Variants in CDK4 observed in about 807,000 individuals in gnomAD.
CDK4 encodes the protein cyclin-dependent kinase 4.
In CDK4, 13 loss-of-function variants were observed where a neutral mutation model predicts 36.7. That is an observed-to-expected ratio of 0.35 (90% CI 0.23 to 0.56). CDK4 has a LOEUF of 0.56. CDK4 is among the 20% of genes least tolerant of loss of function. The pLI is 0.85. For missense variants in CDK4, 285 were observed against 387.3 expected (o/e 0.74, Z 2.22); for synonymous variants, 158 against 146.4 (o/e 1.08, Z -0.57).
intron 7 of CDK4, 88 bp from the exon 8 acceptor site, chr12:57,748,705 T>C (rs772742971): frequency 5.5e-6 from 5 of 911,504 alleles, no homozygotes; most frequent in Admixed American, 1.9e-5. Flanking sequence ...TTTCTTCTTT[T>C]TTCTTTTTTT....
At position 57,749,239 on chromosome 12, in the gene CDK4, G is replaced by A. The variant is rs753908111; in HGVS notation, c.762C>T (p.Pro254=). 2.5e-6 allele frequency: 4 copies of A among 1,614,086 alleles called. No individual in the cohort carries two copies. Among genetic ancestry groups the A allele is most frequent in the Admixed American group, 1.7e-5 (1 of 60,012 alleles). The part of the protein sequence containing the change: ...LPRGAFPPRG[P]RPVQSVVPEM... Reference sequence around the variant, plus strand: ...CAGGTACCACCGACTGCACTGGGCGGGGCCCTCTGGGGGGAAAGGCTCCAC... The same window carrying A: ...CAGGTACCACCGACTGCACTGGGCGAGGCCCTCTGGGGGGAAAGGCTCCAC... Residue 254 remains proline, a synonymous_variant, in exon 7 of 8, where the codon CCC becomes CCT. Transcript: ENST00000257904.
rs751684879 is a variant in CDK4, at chr12:57,751,048, C to T, written c.397G>A (p.Ala133Thr). Residue 133 changes from alanine (A) to threonine (T), a missense_variant, in exon 4 of 8, where the codon GCC (alanine) becomes ACC (threonine). Physicochemically the swap from Ala to Thr is moderately conservative, Grantham distance 58 (BLOSUM62 0). Coordinates refer to ENST00000257904, the MANE Select transcript of CDK4 (RefSeq NM_000075.4). The surrounding 1 kb of genome is among the most constrained non-coding windows in gnomAD (Gnocchi z 4.5). ...QFLRGLDFLH[A>T]NCIVHRDLKP... Reference sequence around the variant, plus strand: ...AGATCTCGGTGAACGATGCAATTGGCATGAAGGAAATCTAGGCCTCTTAGA... The same window carrying T: ...AGATCTCGGTGAACGATGCAATTGGTATGAAGGAAATCTAGGCCTCTTAGA... 6.2e-7 allele frequency: 1 copy of T among 1,614,120 alleles called. No homozygotes were observed. The highest frequency in any genetic ancestry group is 2.2e-5 in the East Asian group (1 of 44,886).
chr12:57,748,851 G>A (rs1017004517), intron 7 of CDK4: 17 of 554,968 alleles, frequency 3.1e-5, no homozygotes, highest in South Asian at 1.6e-4. Context: ...GATTACAGGC[G>A]TGTGCCACCA....
rs573865135 is a variant in CDK4 at position 57,748,392 on chromosome 12, G to A, written c.*133C>T. On this transcript the variant is annotated 3_prime_UTR_variant, in exon 8 of 8. Transcript: ENST00000257904. Reference sequence around the variant, plus strand: ...GAGGTGGGAGGGGAATGTCATTAAGGCAGCAAAGTAATCTCTGTAGAAAGA... The same window carrying A: ...GAGGTGGGAGGGGAATGTCATTAAGACAGCAAAGTAATCTCTGTAGAAAGA... The A allele has an allele frequency of 3.9e-5, 30 of 764,660 alleles. No homozygotes were observed. The Admixed American group carries it at 4.0e-4, about 10-fold the overall frequency. The allele number at this position is 764,660 out of a possible 1,614,324, so 47.4% of individuals were successfully genotyped here. A position where few individuals can be genotyped will look rare whatever the true frequency, so the allele number is the denominator to read the frequency against.
chr12:57,749,008 G>A, intron 7 of CDK4, 174 bp downstream of exon 7: 1 of 852,888 alleles, frequency 1.2e-6, no homozygotes. Flanking sequence ...GCCCAGCCAG[G>A]ATGGGTTCTC....
Position 57,749,320 on chromosome 12 carries a change from G to A in CDK4, c.684-3C>T, listed in dbSNP as rs2140383191. 1 of 1,614,214 alleles carries A rather than the reference G, an allele frequency of 6.2e-7. No individual in the cohort carries two copies. The highest frequency in any genetic ancestry group is 8.5e-7 in the Non-Finnish European group (1 of 1,180,036). ...CCTCTGGAGGCAGCCCAATCAGGCT[G>A]TGGGGGACAGGAGAACTCTGGTCAG... On this transcript the variant is annotated splice_region_variant and splice_polypyrimidine_tract_variant and intron_variant, in intron 6 of 7. Coordinates refer to ENST00000257904, the MANE Select transcript of CDK4 (RefSeq NM_000075.4).
Position 57,751,380 on chromosome 12 carries a change from A to C in CDK4, c.219-38T>G, listed in dbSNP as rs1955235563. The C allele has an allele frequency of 6.2e-7, 1 of 1,613,464 alleles. No homozygotes were observed. Among genetic ancestry groups the C allele is most frequent in the East Asian group, 2.2e-5 (1 of 44,860 alleles). On this transcript the variant is annotated intron_variant, in intron 2 of 7. Coordinates refer to ENST00000257904, the MANE Select transcript of CDK4 (RefSeq NM_000075.4). The surrounding 1 kb of genome is among the most constrained non-coding windows in gnomAD (Gnocchi z 4.5). ...AATGCTCACTTTTCAATCCCCTTTA[A>C]CCCAACATGGCCTCTCATTATTTCC...
Position 57,750,966 on chromosome 12 carries a change from C to T in CDK4, c.479G>A (p.Gly160Asp), listed in dbSNP as rs2140386403. The T allele has an allele frequency of 6.2e-7, 1 of 1,614,068 alleles. No individual in the cohort carries two copies. Among genetic ancestry groups the T allele is most frequent in the South Asian group, 1.1e-5 (1 of 91,072 alleles). The stretch of plus-strand genomic sequence containing the variant: ...CTGGTAGCTGTAGATTCTGGCCAGG[C>T]CAAAGTCAGCCAGCTTGACTGTTCC... ...SGGTVKLADF[G>D]LARIYSYQMA... Residue 160 changes from glycine (G) to aspartate (D), a missense_variant, in exon 4 of 8, where the codon GGC becomes GAC. Physicochemically the swap from Gly to Asp is moderately conservative, Grantham distance 94. Transcript: ENST00000257904.
In CDK4 at chr12:57,748,100, G is replaced by A. The variant is rs1441045730; in HGVS notation, c.*425C>T. On this transcript the variant is annotated 3_prime_UTR_variant, in exon 8 of 8. Transcript: ENST00000257904. ...CTTTCTAAGCTTTGTCAGTCAAGGG[G>A]CTCCACTGACTTCCTAGGCCCTGTA... The A allele has an allele frequency of 1.7e-5, 5 of 286,866 alleles. No individual in the cohort carries two copies. Among genetic ancestry groups the A allele is most frequent in the African/African-American group, 1.1e-4 (5 of 46,026 alleles). 17.8% of individuals were successfully genotyped at this position (286,866 alleles called of 1,614,324 possible). A position where few individuals can be genotyped will look rare whatever the true frequency, so the allele number is the denominator to read the frequency against.
rs1595111473 is a variant in CDK4, at chr12:57,751,955, C to T, written c.-19-219G>A. 8.7e-6 allele frequency: 5 copies of T among 577,188 alleles called. No individual in the cohort carries two copies. The highest frequency in any genetic ancestry group is 2.0e-5 in the South Asian group (1 of 50,132). 35.8% of individuals were successfully genotyped at this position (577,188 alleles called of 1,614,324 possible). On this transcript the variant is annotated intron_variant, in intron 1 of 7. Transcript: ENST00000257904. The surrounding 1 kb of genome is among the most constrained non-coding windows in gnomAD (Gnocchi z 4.5). The stretch of plus-strand genomic sequence containing the variant: ...GCCCTGCAATAGAAAACGCTTTTTC[C>T]TTTGGGACAATCGCGCCCCGCACAA...
In CDK4 at chr12:57,747,753, T is replaced by C. The variant is rs573384320; in HGVS notation, c.*772A>G. 1 of 160,232 alleles carries C rather than the reference T, an allele frequency of 6.2e-6. No individual in the cohort carries two copies. The highest frequency in any genetic ancestry group is 2.4e-5 in the African/African-American group (1 of 41,692). The allele number at this position is 160,232 out of a possible 1,614,324, so 9.9% of individuals were successfully genotyped here. Reference sequence around the variant, plus strand: ...CCATTTAAAAATCTATATTCTTTTTTTTTTTTTGACACAGAGTCTTGCTCT... The same window carrying C: ...CCATTTAAAAATCTATATTCTTTTTCTTTTTTTGACACAGAGTCTTGCTCT... On this transcript the variant is annotated 3_prime_UTR_variant, in exon 8 of 8. Transcript: ENST00000257904.
rs1024019387 is a variant in CDK4, at chr12:57,751,772, A to G, written c.-19-36T>C. The G allele has an allele frequency of 6.5e-7, 1 of 1,536,026 alleles. No individual in the cohort carries two copies. The highest frequency in any genetic ancestry group is 9.0e-7 in the Non-Finnish European group (1 of 1,113,572). The stretch of plus-strand genomic sequence containing the variant: ...AGACTCCTATCACCAAAAGTCGCTT[A>G]CAGAGTTAGGATGGTATGAGCCTGC... On this transcript the variant is annotated intron_variant, in intron 1 of 7. Coordinates refer to ENST00000257904, the MANE Select transcript of CDK4 (RefSeq NM_000075.4). This position sits in a 1 kb window ranked among gnomAD's most constrained non-coding sequence, Gnocchi z 4.5.
rs768721716 is a variant in CDK4 at position 57,751,825 on chromosome 12, G to A, written c.-19-89C>T. ...CAACAAAGGGACTCCCAAAAAAAAA[G>A]CGCAAAGAACACCACCAGCATCCCA... On this transcript the variant is annotated intron_variant, in intron 1 of 7. Coordinates refer to ENST00000257904, the MANE Select transcript of CDK4 (RefSeq NM_000075.4). The surrounding 1 kb of genome is among the most constrained non-coding windows in gnomAD (Gnocchi z 4.5). The A allele has an allele frequency of 2.0e-4, 191 of 937,840 alleles. No individual in the cohort carries two copies. Among genetic ancestry groups the A allele is most frequent in the Non-Finnish European group, 3.0e-4 (180 of 601,388 alleles). 58.1% of individuals were successfully genotyped at this position (937,840 alleles called of 1,614,324 possible).
At position 57,748,430 on chromosome 12, in the gene CDK4, C is replaced by T. The variant is rs1955184918; in HGVS notation, c.*95G>A. ...CTCTGTAGAAAGATGGAGGAGGACC[C>T]TCCATAGCCTCAGAGATAAAGGCAA... On this transcript the variant is annotated 3_prime_UTR_variant, in exon 8 of 8. Transcript: ENST00000257904. The T allele has an allele frequency of 2.2e-6, 2 of 897,244 alleles. No individual in the cohort carries two copies. The highest frequency in any genetic ancestry group is 3.8e-6 in the Non-Finnish European group (2 of 531,300). 55.6% of individuals were successfully genotyped at this position (897,244 alleles called of 1,614,324 possible). A position where few individuals can be genotyped will look rare whatever the true frequency, so the allele number is the denominator to read the frequency against.
At position 57,751,126 on chromosome 12, in the gene CDK4, C is replaced by G. The variant is rs1401607575; in HGVS notation, c.355-36G>C. On this transcript the variant is annotated intron_variant, in intron 3 of 7. Coordinates refer to ENST00000257904, the MANE Select transcript of CDK4 (RefSeq NM_000075.4). This position sits in a 1 kb window ranked among gnomAD's most constrained non-coding sequence, Gnocchi z 4.5. Reference sequence around the variant, plus strand: ...AGGGGAGGTACAGATGCACTGGAAACTAGGCACCATACCTGAAATCCCAGA... The same window carrying G: ...AGGGGAGGTACAGATGCACTGGAAAGTAGGCACCATACCTGAAATCCCAGA... The G allele has an allele frequency of 6.2e-7, 1 of 1,614,178 alleles. No homozygotes were observed.
Position 57,748,375 on chromosome 12 carries a change from A to G in CDK4, c.*150T>C, listed in dbSNP as rs1246031626. The G allele has an allele frequency of 1.5e-5, 11 of 733,190 alleles. No homozygotes were observed. Among genetic ancestry groups the G allele is most frequent in the Admixed American group, 1.0e-4 (6 of 57,174 alleles). 45.4% of individuals were successfully genotyped at this position (733,190 alleles called of 1,614,324 possible). On this transcript the variant is annotated 3_prime_UTR_variant, in exon 8 of 8. Coordinates refer to ENST00000257904, the MANE Select transcript of CDK4 (RefSeq NM_000075.4). ...GAGAAGCCTCAAAAGGAGAGGTGGG[A>G]GGGGAATGTCATTAAGGCAGCAAAG...
At position 57,749,267 on chromosome 12, in the gene CDK4, G is replaced by A. The variant is rs1955201842; in HGVS notation, c.734C>T (p.Pro245Leu). Reference sequence around the variant, plus strand: ...CCCTCTGGGGGGAAAGGCTCCACGGGGCAGGGATACATCTCGAGGCCAGTC... The same window carrying A: ...CCCTCTGGGGGGAAAGGCTCCACGGAGCAGGGATACATCTCGAGGCCAGTC... ...EDDWPRDVSL[P>L]RGAFPPRGPR... Residue 245 changes from proline (P) to leucine (L), a missense_variant, in exon 7 of 8, where the codon CCC becomes CTC. By Grantham distance (98) the Pro-to-Leu change is moderately conservative. Transcript: ENST00000257904. 1 of 1,614,180 alleles carries A rather than the reference G, an allele frequency of 6.2e-7. No homozygotes were observed. Among genetic ancestry groups the A allele is most frequent in the Non-Finnish European group, 8.5e-7 (1 of 1,180,012 alleles).
intron 5 of CDK4, 48 bp from the exon 6 acceptor site, chr12:57,749,552 T>G: frequency 1.9e-6 from 3 of 1,543,170 alleles, no homozygotes; most frequent in Non-Finnish European, 2.7e-6. Flanking sequence ...AAAGATATCT[T>G]AGTTGAATGG....
In CDK4 at chr12:57,747,819, C is replaced by T. The variant is rs184712; in HGVS notation, c.*706G>A. 35,620 of 168,038 alleles carry T rather than the reference C, an allele frequency of 0.21. 4,201 individuals are homozygous for T. The highest frequency in any genetic ancestry group is 0.29 in the Admixed American group (4,601 of 16,078). The allele number at this position is 168,038 out of a possible 1,614,324, so 10.4% of individuals were successfully genotyped here. On this transcript the variant is annotated 3_prime_UTR_variant, in exon 8 of 8. Coordinates refer to ENST00000257904, the MANE Select transcript of CDK4 (RefSeq NM_000075.4). ...GTGCAATGGCATGATCTCGGCTCAC[C>T]GCAACCTCTGCCTCCCGGGTTCAAG...
Sources: gnomAD v4.1 joint callset for allele counts on GRCh38, gnomAD v4.1.1 for gene constraint, Gnocchi (gnomAD v3.1) non-coding constraint, MANE v1.5 for transcripts, NCBI Gene and HGNC (gene_info 2026-07-23, HGNC 2026-07-21) for gene names.